Variants in RYR2 observed in about 807,000 individuals in gnomAD.
The protein encoded by RYR2 is cardiac muscle ryanodine receptor-calcium release channel.
RYR2 carries 227 observed loss-of-function variants against 601.1 expected under a neutral mutation model. The observed-to-expected ratio is 0.38, with a 90% confidence interval of 0.34 to 0.42. RYR2 has a LOEUF of 0.42. Ranked by LOEUF, RYR2 falls within the 10% of genes least tolerant of loss-of-function variation. RYR2 has a pLI of 1.00. For synonymous variants in RYR2, 2,223 were observed against 2,175.1 expected (o/e 1.02, Z -0.61); for missense variants, 4,646 against 6,156.5 (o/e 0.75, Z 8.21).
intron 1 of RYR2, among the ~76,000 whole-genome samples, chr1:237,144,471 T>C (rs1673760030): frequency 6.6e-6 from 1 of 152,228 alleles, no homozygotes; most frequent in South Asian, 2.1e-4. Context: ...CTATCTTCTT[T>C]GGATGTTTAC....
At chr1:237,703,469 G>A (rs1688123817) in intron 66 of RYR2, among the ~76,000 whole-genome samples, 1 of 150,258 alleles carries the variant, frequency 6.7e-6, no homozygotes, top group Admixed American at 6.6e-5. Flanking sequence ...TTCATGTATT[G>A]TCATGCTGAT....
chr1:237,172,296 A>C (rs1158784989), intron 1 of RYR2, among the ~76,000 whole-genome samples: 3 of 152,196 alleles, frequency 2.0e-5, no homozygotes, highest in Non-Finnish European at 4.4e-5. Flanking sequence ...GGATCCAGAC[A>C]GACAAGGTTT....
chr1:237,541,010 C>T (rs1669204617), intron 25 of RYR2, among the ~76,000 whole-genome samples: 1 of 152,010 alleles, frequency 6.6e-6, no homozygotes, highest in Non-Finnish European at 1.5e-5. Context: ...CGTATGTATA[C>T]TGTTTACATA....
At chr1:237,074,909 G>A (rs1360390347) in intron 1 of RYR2, among the ~76,000 whole-genome samples, 1 of 152,192 alleles carries the variant, frequency 6.6e-6, no homozygotes, top group African/African-American at 2.4e-5. Context: ...GCTGGTGTAT[G>A]TCTAGGTAGA....
chr1:237,550,879 C>T (rs968393206), intron 27 of RYR2, among the ~76,000 whole-genome samples, 188 bp downstream of exon 27: 2 of 152,124 alleles, frequency 1.3e-5, no homozygotes, highest in African/African-American at 4.8e-5. Flanking sequence ...TGGGATGGCT[C>T]AGGATGCTGA....
chr1:237,055,542 AG>A (rs1661890353), intron 1 of RYR2, among the ~76,000 whole-genome samples: 1 of 152,088 alleles, frequency 6.6e-6, no homozygotes, highest in Admixed American at 6.6e-5. Context: ...CAGTGGAGAA[AG>A]GGTTTATGGG....
chr1:237,229,703 T>G (rs904500931), intron 1 of RYR2, among the ~76,000 whole-genome samples: 2 of 152,184 alleles, frequency 1.3e-5, no homozygotes, highest in Admixed American at 1.3e-4. Flanking sequence ...GTTAGCATAC[T>G]TCTCAGGATT....
intron 63 of RYR2, among the ~76,000 whole-genome samples, chr1:237,697,888 G>A (rs2797435): frequency 0.39 from 58,541 of 151,890 alleles, 12,511 homozygotes; most frequent in East Asian, 0.61. Flanking sequence ...ATATTTTCAT[G>A]AATAACTCAG....
chr1:237,697,328 G>A (rs1687546158), intron 63 of RYR2, among the ~76,000 whole-genome samples: 1 of 143,384 alleles, frequency 7.0e-6, no homozygotes, highest in African/African-American at 2.6e-5. Flanking sequence ...GTGTGTGTGT[G>A]TGTATATATA....
intron 2 of RYR2, among the ~76,000 whole-genome samples, chr1:237,319,816 A>G (rs578215837): frequency 1.5e-4 from 23 of 152,300 alleles, no homozygotes; most frequent in Admixed American, 2.6e-4. Flanking sequence ...TTCAGTCAAA[A>G]ATATACTGAG....
intron 101 of RYR2, among the ~76,000 whole-genome samples, chr1:237,824,687 G>A (rs142410352): frequency 1.8e-4 from 27 of 152,054 alleles, no homozygotes; most frequent in African/African-American, 5.1e-4. Context: ...AGGGCAATCA[G>A]GCAAAACAAA....
chr1:237,661,241 C>A (rs1313618620), intron 56 of RYR2, among the ~76,000 whole-genome samples: 1 of 151,830 alleles, frequency 6.6e-6, no homozygotes, highest in Admixed American at 6.6e-5. Flanking sequence ...CAAACTAACA[C>A]AGGAACAGAA....
At chr1:237,441,191 C>A in intron 12 of RYR2, 128 bp from the exon 13 acceptor site, 1 of 802,702 alleles carries the variant, frequency 1.2e-6, no homozygotes, top group Non-Finnish European at 2.0e-6. Context: ...AATATTTGGC[C>A]ATTATTTCAG....
chr1:237,253,089 C>T (rs10802594), intron 1 of RYR2, among the ~76,000 whole-genome samples: 80,086 of 149,544 alleles, frequency 0.54, 21,715 homozygotes, highest in East Asian at 0.83. Context: ...CGCTTGTACC[C>T]GGAGAGGGAG....
At chr1:237,252,037 C>G (rs1215856705) in intron 1 of RYR2, among the ~76,000 whole-genome samples, 1 of 151,982 alleles carries the variant, frequency 6.6e-6, no homozygotes, top group Non-Finnish European at 1.5e-5. Context: ...AAGCCACCAT[C>G]GTCTTTTGCT....
intron 72 of RYR2, 23 bp downstream of exon 72, chr1:237,717,391 C>A (rs78665423): frequency 1.3e-6 from 2 of 1,553,182 alleles, no homozygotes; most frequent in Non-Finnish European, 1.7e-6. Flanking sequence ...TTCATCCCAG[C>A]GGTAATGATC....
chr1:237,609,095 C>G (rs1265137658), intron 35 of RYR2, among the ~76,000 whole-genome samples: 2 of 146,002 alleles, frequency 1.4e-5, no homozygotes, highest in Non-Finnish European at 1.5e-5. Flanking sequence ...ACTCTGTCAC[C>G]CAGGCTAGAG....
chr1:237,573,070 G>A (rs925279050), intron 29 of RYR2, among the ~76,000 whole-genome samples: 1 of 152,038 alleles, frequency 6.6e-6, no homozygotes, highest in Non-Finnish European at 1.5e-5. Context: ...CTTACACCTA[G>A]CCTGTCTTTA....
At chr1:237,564,957 C>A (rs1330604997) in intron 27 of RYR2, among the ~76,000 whole-genome samples, 1 of 152,162 alleles carries the variant, frequency 6.6e-6, no homozygotes, top group Non-Finnish European at 1.5e-5. Context: ...TATTGGCAAC[C>A]TTTAGTGCTT....
Sources: allele counts gnomAD v4.1 joint callset (sites outside exome capture counted in the v4.1 genomes callset), GRCh38; gene constraint gnomAD v4.1.1; transcripts MANE v1.5; gene names NCBI Gene and HGNC (gene_info 2026-07-23, HGNC 2026-07-21).